The following ZFHX4 variants were observed in gnomAD, a reference collection of about 807,000 sequenced individuals.
ZFHX4 encodes zinc finger homeobox protein 4.
ZFHX4 carries 56 observed loss-of-function variants against 267.6 expected under a neutral mutation model. The observed-to-expected ratio is 0.21, with a 90% CI of 0.17 to 0.26. The LOEUF (loss-of-function observed/expected upper bound fraction) is 0.26, where lower values mean the gene tolerates loss of function less well. ZFHX4 is among the 10% of genes least tolerant of loss of function. The pLI, the probability that ZFHX4 is intolerant of heterozygous loss-of-function variation, is 1.00. For missense variants in ZFHX4, 4,332 were observed against 4,420.0 expected, an observed-to-expected ratio of 0.98 and a Z score of 0.56; for synonymous variants, 1,778 against 1,665.6, an observed-to-expected ratio of 1.07 and a Z score of -1.64.
At position 76,865,209 on chromosome 8, in the gene ZFHX4, G is replaced by T. The variant is rs1812996961; in HGVS notation, c.*644G>T. The T allele has an allele frequency of 6.6e-6, 1 of 152,626 alleles. No individual in the cohort carries two copies. Among genetic ancestry groups the T allele is most frequent in the South Asian group, 2.1e-4 (1 of 4,822 alleles). 9.5% of individuals were successfully genotyped at this position (152,626 alleles called of 1,614,324 possible). On this transcript the variant is annotated 3_prime_UTR_variant, in exon 11 of 11. Transcript: ENST00000651372. Reference sequence around the variant, plus strand: ...TCTGGAACAGTGGAATCATGTGTCTGCCCTGTGTATTGCAGTTTGTATTGC... The same window carrying T: ...TCTGGAACAGTGGAATCATGTGTCTTCCCTGTGTATTGCAGTTTGTATTGC...
intron 3 of ZFHX4, among the ~76,000 whole-genome samples, chr8:76,716,885 T>C (rs2131632053): frequency 6.6e-6 from 1 of 152,290 alleles, no homozygotes; most frequent in East Asian, 1.9e-4. Context: ...AATAGAATAT[T>C]TATCACTTCT....
chr8:76,737,283 C>T lies in ZFHX4; in HGVS notation c.3093+29235C>T, dbSNP rs1388785677. 4.6e-5 allele frequency among the ~76,000 whole-genome samples: 7 copies of T among 152,052 alleles called. 1 individual carries two copies. The highest frequency in any genetic ancestry group is 1.2e-4 in the African/African-American group (5 of 41,418). On this transcript the variant is annotated intron_variant, in intron 3 of 10. Transcript: ENST00000651372. ...TGATACAGATTTTTAAAAAATATTT[C>T]GACTTTAAGAAAATATCAGAGGGCA...
intron 3 of ZFHX4, among the ~76,000 whole-genome samples, chr8:76,730,230 G>T (rs1169939186): frequency 6.6e-6 from 1 of 152,094 alleles, no homozygotes; most frequent in Non-Finnish European, 1.5e-5. Context: ...TAAAAAGAAG[G>T]AACTGGTTTA....
intron 3 of ZFHX4, among the ~76,000 whole-genome samples, chr8:76,733,784 A>G (rs112963845): frequency 0.013 from 1,965 of 152,260 alleles, 16 homozygotes; most frequent in South Asian, 0.021. Flanking sequence ...CAGCAGGGAA[A>G]GCCCAGCTAA....
intron 4 of ZFHX4, among the ~76,000 whole-genome samples, chr8:76,800,160 G>A (rs1047112611): frequency 6.6e-6 from 1 of 152,086 alleles, no homozygotes; most frequent in Admixed American, 6.6e-5. Context: ...CGCACAATTA[G>A]GATGTTGGCA....
In ZFHX4 at chr8:76,706,578, C is replaced by T. The variant is rs755598778; in HGVS notation, c.2490C>T (p.Gly830=). The change falls in exon 2 of 11, where the codon GGC becomes GGT. Residue 830 remains glycine (G), a synonymous_variant. Coordinates refer to ENST00000651372, the MANE Select transcript of ZFHX4 (RefSeq NM_024721.5). ...LYQYYLAQNI[G]LTGMKLENPA... is the part of the protein sequence containing the mutation. ...AGTACTACCTAGCCCAGAACATAGG[C>T]CTGACCGGAATGAAGCTGGAAAACC... The T allele has an allele frequency of 1.9e-6, 3 of 1,611,346 alleles. No individual in the cohort carries two copies. In the Admixed American group the frequency reaches 5.0e-5, roughly 27 times the overall value.
intron 3 of ZFHX4, among the ~76,000 whole-genome samples, chr8:76,736,358 G>C (rs1219011004): frequency 1.3e-4 from 20 of 151,860 alleles, no homozygotes; most frequent in Non-Finnish European, 2.1e-4. Context: ...AAATTAGTTA[G>C]TGTATTTCTG....
intron 4 of ZFHX4, among the ~76,000 whole-genome samples, chr8:76,787,963 A>C (rs984327984): frequency 6.6e-6 from 1 of 152,176 alleles, no homozygotes; most frequent in Non-Finnish European, 1.5e-5. Context: ...AGTACTTTAC[A>C]CATCCAAGCC....
At position 76,704,659 on chromosome 8, in the gene ZFHX4, A is replaced by T. The variant is rs961492645; in HGVS notation, c.571A>T (p.Ile191Phe). ...TGCACCTATGTCGTTCTACCCACAGATCATCAACACTTTTCATATCGCTTC... is the reference window on the plus strand; with the variant it reads ...TGCACCTATGTCGTTCTACCCACAGTTCATCAACACTTTTCATATCGCTTC... ...ASAPMSFYPQ[I>F]INTFHIASSL... is the part of the protein sequence containing the mutation. The change falls in exon 2 of 11, where the codon ATC becomes TTC. Residue 191 changes from isoleucine to phenylalanine, a missense_variant. This residue lies in a region of ZFHX4 where 1,195 missense variants were observed against 1,173.6 expected (regional missense o/e 1.02). Coordinates refer to ENST00000651372, the MANE Select transcript of ZFHX4 (RefSeq NM_024721.5). The T allele has an allele frequency of 6.2e-7, 1 of 1,614,036 alleles. No individual in the cohort carries two copies. The highest frequency in any genetic ancestry group is 8.5e-7 in the Non-Finnish European group (1 of 1,179,890).
chr8:76,771,107 G>T (rs1006761709), intron 3 of ZFHX4, among the ~76,000 whole-genome samples: 5 of 152,160 alleles, frequency 3.3e-5, no homozygotes, highest in Non-Finnish European at 5.9e-5. Context: ...TAAGAGAAAA[G>T]GAATGCTATT....
In ZFHX4 at chr8:76,842,768, T is replaced by C; in HGVS notation, c.3508T>C (p.Ser1170Pro). 6.5e-7 allele frequency: 1 copy of C among 1,547,956 alleles called. No homozygotes were observed. Among genetic ancestry groups the C allele is most frequent in the Non-Finnish European group, 8.7e-7 (1 of 1,143,932 alleles). ...TGAAGGCAAAAACTCTAATAAAGAC[T>C]CTGGTAAGATGCAAGAATCTTTCAC... ...NSEGKNSNKD[S>P]GIITPEKELK... Residue 1170 changes from serine to proline, a missense_variant, in exon 6 of 11, where the codon TCT (serine) becomes CCT (proline). Ser to Pro is a moderately conservative substitution (Grantham distance 74). Coordinates refer to ENST00000651372, the MANE Select transcript of ZFHX4 (RefSeq NM_024721.5).
At chr8:76,785,554 C>A (rs28693494) in intron 4 of ZFHX4, among the ~76,000 whole-genome samples, 16,620 of 152,050 alleles carry the variant, frequency 0.11, 998 homozygotes, top group East Asian at 0.17. Flanking sequence ...TTCTGAGAAG[C>A]GTAATACAAA....
intron 3 of ZFHX4, among the ~76,000 whole-genome samples, chr8:76,755,923 A>T (rs1809748419): frequency 6.6e-6 from 1 of 152,144 alleles, no homozygotes; most frequent in Middle Eastern, 3.2e-3. Context: ...CTGTGACCTC[A>T]AAATATCCTC....
Position 76,863,892 on chromosome 8 carries a change from CTT to C in ZFHX4, c.10179_10180del (p.Tyr3394ArgfsTer8). ...TCCAAAAGTGCAGACTTTTCAGACA[CTT>C]ACGTTGTTCCATTCGTCAAGTATGA... On this transcript the variant is annotated frameshift_variant, in exon 11 of 11. Coordinates refer to ENST00000651372, the MANE Select transcript of ZFHX4 (RefSeq NM_024721.5). LOFTEE classifies it high-confidence loss of function. 1 of 1,571,942 alleles carries C rather than the reference CTT, an allele frequency of 6.4e-7. No homozygotes were observed. The highest frequency in any genetic ancestry group is 8.6e-7 in the Non-Finnish European group (1 of 1,157,690).
chr8:76,762,270 G>C (rs1157741984), intron 3 of ZFHX4, among the ~76,000 whole-genome samples: 1 of 152,062 alleles, frequency 6.6e-6, no homozygotes, highest in African/African-American at 2.4e-5. Flanking sequence ...AAAAGGTATA[G>C]AGTACAGTAA....
chr8:76,854,672 A>G lies in ZFHX4; in HGVS notation c.7751A>G (p.Asp2584Gly). 6.2e-7 allele frequency: 1 copy of G among 1,613,808 alleles called. No homozygotes were observed. The highest frequency in any genetic ancestry group is 8.5e-7 in the Non-Finnish European group (1 of 1,179,870). ...GCTTCCCTAAAAAGGAAACTAGACGATAAAGAAGATAATAATTGCAGTGAA... is the reference window on the plus strand; with the variant it reads ...GCTTCCCTAAAAAGGAAACTAGACGGTAAAGAAGATAATAATTGCAGTGAA... ...VAASLKRKLD[D>G]KEDNNCSEKE... The change falls in exon 10 of 11, where the codon GAT (aspartate) becomes GGT (glycine). Residue 2584 changes from aspartate to glycine, a missense_variant. Physicochemically the swap from Asp to Gly is moderately conservative, Grantham distance 94. This residue lies in a region of ZFHX4 where 1,648 missense variants were observed against 1,625.0 expected (regional missense o/e 1.01). Coordinates refer to ENST00000651372, the MANE Select transcript of ZFHX4 (RefSeq NM_024721.5).
At chr8:76,849,475 T>G in intron 7 of ZFHX4, 37 bp from the exon 8 acceptor site, 1 of 1,556,198 alleles carries the variant, frequency 6.4e-7, no homozygotes, top group Non-Finnish European at 8.9e-7. Context: ...AGAAATGCAT[T>G]AACTAATAGT....
intron 4 of ZFHX4, among the ~76,000 whole-genome samples, chr8:76,783,512 T>C (rs1174427770): frequency 6.6e-6 from 1 of 152,008 alleles, no homozygotes; most frequent in African/African-American, 2.4e-5. Context: ...GATTTGTTTA[T>C]ATCTCTCCCT....
At chr8:76,814,456 A>C (rs1049965756) in intron 4 of ZFHX4, among the ~76,000 whole-genome samples, 2 of 152,168 alleles carry the variant, frequency 1.3e-5, no homozygotes, top group African/African-American at 4.8e-5. Context: ...CCATGGACCC[A>C]GGAATTCCAT....
Sources: allele counts gnomAD v4.1 joint callset (sites outside exome capture counted in the v4.1 genomes callset), GRCh38; gene constraint gnomAD v4.1.1; regional missense constraint gnomAD v4.1.1; transcripts MANE v1.5; gene names NCBI Gene and HGNC (gene_info 2026-07-23, HGNC 2026-07-21).